The following DYNLT2 variants were observed in gnomAD, a reference collection of about 807,000 sequenced individuals.
DYNLT2 encodes dynein light chain Tctex-type protein 2.
In DYNLT2, 24 loss-of-function variants were observed where a neutral mutation model predicts 24.3. The observed-to-expected ratio is 0.99, with a 90% confidence interval of 0.71 to 1.39. The LOEUF (loss-of-function observed/expected upper bound fraction) is 1.39. Among genes scored for constraint, DYNLT2 ranks in the 40% most tolerant of loss-of-function variants. The pLI is 0.00. For missense variants in DYNLT2, 246 were observed against 234.5 expected (o/e 1.05, Z -0.32); for synonymous variants, 85 against 85.4 (o/e 1.00, Z 0.03).
At position 169,740,113 on chromosome 6, in the gene DYNLT2, G is replaced by T; in HGVS notation, c.*72C>A. ...TATAGCAAATCAGAAATATTATGAG[G>T]TTTACAAATATGTAAATTTCATTTA... is the stretch of plus-strand genomic sequence containing the variant. On this transcript the variant is annotated 3_prime_UTR_variant, in exon 4 of 4. Coordinates refer to ENST00000366774, the MANE Select transcript of DYNLT2 (RefSeq NM_174910.3). 3 of 992,744 alleles carry T rather than the reference G, an allele frequency of 3.0e-6. No homozygotes were observed. The highest frequency in any genetic ancestry group is 1.9e-5 in the Admixed American group (1 of 51,944). The allele number at this position is 992,744 out of a possible 1,614,324, so 61.5% of individuals were successfully genotyped here.
downstream of DYNLT2, chr6:169,738,925 C>G (rs1789616507): frequency 6.6e-6 from 1 of 152,150 alleles, no homozygotes; most frequent in African/African-American, 2.4e-5. Flanking sequence ...AGGCAGGAAT[C>G]ATATTTCAGC....
At chr6:169,733,482 C>T in the DYNLT2 span, among the ~76,000 whole-genome samples, 1 of 152,094 alleles carries the variant, frequency 6.6e-6, no homozygotes. Context: ...AGGAAGGGGT[C>T]CAGTTTCAGT....
intron 1 of DYNLT2, among the ~76,000 whole-genome samples, chr6:169,747,975 C>A (rs1562998458): frequency 6.6e-6 from 1 of 152,172 alleles, no homozygotes; most frequent in Non-Finnish European, 1.5e-5. Context: ...CTTGATAAGC[C>A]AGATCAGAGA....
At chr6:169,730,088 C>T in the DYNLT2 span, among the ~76,000 whole-genome samples, 2 of 152,170 alleles carry the variant, frequency 1.3e-5, no homozygotes, top group African/African-American at 4.8e-5. Context: ...ATGTGAACCA[C>T]CTTGTTGGGG....
chr6:169,736,212 T>G (rs1562994335), downstream of DYNLT2, among the ~76,000 whole-genome samples: 1 of 152,116 alleles, frequency 6.6e-6, no homozygotes, highest in East Asian at 1.9e-4. Flanking sequence ...TGTGTGTCTT[T>G]GCATGTAAGA....
the DYNLT2 span, chr6:169,725,207 T>A: frequency 2.5e-6 from 1 of 398,832 alleles, no homozygotes; most frequent in Non-Finnish European, 4.4e-6. Context: ...GCCGTACAGC[T>A]GGCCTCACGG....
the DYNLT2 span, among the ~76,000 whole-genome samples, chr6:169,733,806 T>C: frequency 6.6e-6 from 1 of 152,230 alleles, no homozygotes; most frequent in South Asian, 2.1e-4. Flanking sequence ...AAAATAGTTT[T>C]TTCTAATTCT....
intron 1 of DYNLT2, 139 bp from the exon 2 acceptor site, chr6:169,744,413 A>G (rs1227429767): frequency 1.4e-6 from 1 of 727,212 alleles, no homozygotes; most frequent in East Asian, 2.7e-5. Context: ...ACAGATTTCT[A>G]CAATAATGTG....
chr6:169,746,632 G>A (rs1364014073), intron 1 of DYNLT2, among the ~76,000 whole-genome samples: 1 of 151,946 alleles, frequency 6.6e-6, no homozygotes, highest in Admixed American at 6.6e-5. Flanking sequence ...CAACATCCCT[G>A]CCATGTCTGG....
chr6:169,751,471 T>G lies in DYNLT2; in HGVS notation c.-13A>C. On this transcript the variant is annotated 5_prime_UTR_variant, in exon 1 of 4. Coordinates refer to ENST00000366774, the MANE Select transcript of DYNLT2 (RefSeq NM_174910.3). ...CTCGCTTCTCCATCTCGCTCTGTTCTCCAAGACGCCCACCGCCTCCCCTTC... is the reference window on the plus strand; with the variant it reads ...CTCGCTTCTCCATCTCGCTCTGTTCGCCAAGACGCCCACCGCCTCCCCTTC... The G allele has an allele frequency of 6.2e-7, 1 of 1,612,870 alleles. No individual in the cohort carries two copies. The highest frequency in any genetic ancestry group is 8.5e-7 in the Non-Finnish European group (1 of 1,179,452).
At chr6:169,740,008 A>T (rs900846254), downstream of DYNLT2, 2 of 553,336 alleles carry the variant, frequency 3.6e-6, no homozygotes, top group African/African-American at 3.8e-5. Flanking sequence ...TTAATATAAC[A>T]GTAAGTATAA....
At chr6:169,730,028 T>C in the DYNLT2 span, among the ~76,000 whole-genome samples, 42 of 152,394 alleles carry the variant, frequency 2.8e-4, no homozygotes, top group African/African-American at 9.9e-4. Flanking sequence ...CTGTGAATTT[T>C]CTTCTTTATG....
chr6:169,751,259 G>A, intron 1 of DYNLT2, 80 bp downstream of exon 1: 1 of 1,534,724 alleles, frequency 6.5e-7, no homozygotes, highest in Non-Finnish European at 8.8e-7. Context: ...GTGGTGACGG[G>A]AGCGGGGCCC....
At chr6:169,734,222 T>C in the DYNLT2 span, among the ~76,000 whole-genome samples, 2 of 152,212 alleles carry the variant, frequency 1.3e-5, no homozygotes, top group Admixed American at 1.3e-4. Flanking sequence ...AATCATGTCA[T>C]CTGCAAACAG....
chr6:169,737,667 C>T (rs537232071), downstream of DYNLT2, among the ~76,000 whole-genome samples: 123 of 152,298 alleles, frequency 8.1e-4, 1 homozygote, highest in Non-Finnish European at 1.3e-3. Flanking sequence ...TGGAAAGCAG[C>T]AAAGATGGGT....
chr6:169,729,071 T>A, the DYNLT2 span, among the ~76,000 whole-genome samples: 1 of 152,334 alleles, frequency 6.6e-6, no homozygotes, highest in East Asian at 1.9e-4. Flanking sequence ...TATCATTTTC[T>A]TTCAACAAGA....
chr6:169,744,032 A>T, intron 2 of DYNLT2, 36 bp downstream of exon 2: 5 of 1,585,022 alleles, frequency 3.2e-6, no homozygotes, highest in Admixed American at 1.7e-5. Flanking sequence ...TAGAACCCTC[A>T]TACAATACTG....
In DYNLT2 at chr6:169,751,523, A is replaced by C; in HGVS notation, c.-65T>G. ...CCGCCGGCGGTCAAACGCCCTAGCCAGTCCCGCGAGGGCGGAAGTCTCCCA... is the reference window on the plus strand; with the variant it reads ...CCGCCGGCGGTCAAACGCCCTAGCCCGTCCCGCGAGGGCGGAAGTCTCCCA... On this transcript the variant is annotated 5_prime_UTR_variant, in exon 1 of 4. Transcript: ENST00000366774. 6.2e-7 allele frequency: 1 copy of C among 1,610,612 alleles called. No homozygotes were observed. Among genetic ancestry groups the C allele is most frequent in the East Asian group, 2.2e-5 (1 of 44,762 alleles).
chr6:169,750,926 TA>T (rs1324180898), intron 1 of DYNLT2: 2 of 155,306 alleles, frequency 1.3e-5, no homozygotes, highest in East Asian at 1.9e-4. Flanking sequence ...TTTATCAAAT[TA>T]TTTTTTTAAT....
Sources: gnomAD v4.1 joint callset for allele counts (sites outside exome capture counted in the v4.1 genomes callset) on GRCh38, gnomAD v4.1.1 for gene constraint, MANE v1.5 for transcripts, NCBI Gene and HGNC (gene_info 2026-07-23, HGNC 2026-07-21) for gene names.